MIB2: variants seen among roughly 807,000 people sequenced by gnomAD.
MIB2 encodes the protein MIB E3 ubiquitin protein ligase 2, also known as E3 ubiquitin-protein ligase MIB2.
Under a neutral mutation model 96.6 loss-of-function variants are expected in MIB2, and 78 were observed. That is an observed-to-expected ratio of 0.81 (90% CI 0.67 to 0.97). The LOEUF (loss-of-function observed/expected upper bound fraction) is 0.97. Among genes scored for constraint, MIB2 ranks in the 50% least tolerant of loss-of-function variants. The pLI, the probability that MIB2 is intolerant of heterozygous loss-of-function variation, is 0.00. For synonymous variants in MIB2, 820 were observed against 629.5 expected (o/e 1.30, Z -4.53); for missense variants, 1,543 against 1,424.0 (o/e 1.08, Z -1.35).
chr1:1,629,764 C>T (rs1329603708), intron 19 of MIB2, 60 bp downstream of exon 19: 35 of 1,480,916 alleles, frequency 2.4e-5, no homozygotes, highest in Admixed American at 4.4e-5. Context: ...CGCGGGTCCC[C>T]GTCCCCCACC....
At chr1:1,623,999 TG>T in intron 4 of MIB2, 54 bp downstream of exon 4, 2 of 1,550,414 alleles carry the variant, frequency 1.3e-6, no homozygotes, top group Non-Finnish European at 1.7e-6. Context: ...GCCTTGCCAC[TG>T]GGGCCTTGGC....
At chr1:1,613,761 G>A (rs1643379927), upstream of MIB2, 1 of 152,206 alleles carries the variant, frequency 6.6e-6, no homozygotes, top group Admixed American at 6.6e-5. Flanking sequence ...AAAACAGTTG[G>A]TAGAGAGCTT....
At chr1:1,629,984 C>T (rs1223601087) in intron 19 of MIB2, among the ~76,000 whole-genome samples, 2 of 149,706 alleles carry the variant, frequency 1.3e-5, no homozygotes, top group African/African-American at 4.9e-5. Context: ...ACACTCCCTC[C>T]ATAGCCCCAC....
rs754243758 is a variant in MIB2, at chr1:1,629,569, G to A, written c.2563+3G>A. ...CCAGCACCGCACCGTGTGTGAGGGT[G>A]AGTGGGGGGCCCCGGGGTGGGGAGG... On this transcript the variant is annotated splice_donor_region_variant and intron_variant, in intron 18 of 19. Transcript: ENST00000355826. The A allele has an allele frequency of 3.9e-5, 60 of 1,547,382 alleles. No homozygotes were observed. The highest frequency in any genetic ancestry group is 2.2e-4 in the East Asian group (9 of 41,456).
rs1335221070 is a variant in MIB2, at chr1:1,630,365, C to G, written c.2703C>G (p.Arg901=). Residue 901 remains arginine (R), a synonymous_variant, in exon 20 of 20, where the codon CGC becomes CGG. Coordinates refer to ENST00000355826, the MANE Select transcript of MIB2 (RefSeq NM_001170687.4). ...PRQLVEELQS[R]YRQMEERITC... ...AGCTGGTGGAGGAGCTGCAGAGCCGCTACCGGCAGATGGAGGAACGCATCA... is the reference window on the plus strand; with the variant it reads ...AGCTGGTGGAGGAGCTGCAGAGCCGGTACCGGCAGATGGAGGAACGCATCA... 6.5e-7 allele frequency: 1 copy of G among 1,546,084 alleles called. No homozygotes were observed. The highest frequency in any genetic ancestry group is 1.2e-5 in the South Asian group (1 of 84,144).
chr1:1,617,256 G>C (rs1305088425), intron 2 of MIB2: 2 of 152,562 alleles, frequency 1.3e-5, no homozygotes, highest in Non-Finnish European at 2.9e-5. Flanking sequence ...GAGGAGGGCA[G>C]CCTCATGTCC....
chr1:1,616,844 C>T (rs921874640), intron 2 of MIB2: 4 of 472,002 alleles, frequency 8.5e-6, no homozygotes, highest in East Asian at 4.1e-5. Context: ...GCAGAGCGGC[C>T]GCAGCGCAGG....
In MIB2 at chr1:1,628,132, C is replaced by T. The variant is rs1194676311; in HGVS notation, c.1794C>T (p.Ser598=). 4 of 1,613,430 alleles carry T rather than the reference C, an allele frequency of 2.5e-6. No homozygotes were observed. Among genetic ancestry groups the T allele is most frequent in the Non-Finnish European group, 3.4e-6 (4 of 1,180,002 alleles). ...ACATCGATGTTACCGCCACCAACAG[C>T]CAGGGTTTCACCCTGCTGCACCATG... ...VPNIDVTATN[S]QGFTLLHHAS... The change falls in exon 14 of 20, where the codon AGC becomes AGT. Residue 598 remains serine (S), a synonymous_variant. Coordinates refer to ENST00000355826, the MANE Select transcript of MIB2 (RefSeq NM_001170687.4).
chr1:1,615,596 G>A lies in MIB2; in HGVS notation c.-167G>A. The A allele has an allele frequency of 1.3e-6, 2 of 1,565,540 alleles. No homozygotes were observed. The highest frequency in any genetic ancestry group is 1.7e-6 in the Non-Finnish European group (2 of 1,160,186). The stretch of plus-strand genomic sequence containing the variant: ...CGAAGCCGTCCCCGAGTCGCTCCTA[G>A]GTCACTGGCGCGATGCGGGCCGTCC... On this transcript the variant is annotated 5_prime_UTR_variant, in exon 1 of 20. Transcript: ENST00000355826.
Position 1,625,512 on chromosome 1 carries a change from C to T in MIB2, c.865-34C>T. 6.5e-7 allele frequency: 1 copy of T among 1,549,388 alleles called. No individual in the cohort carries two copies. Among genetic ancestry groups the T allele is most frequent in the South Asian group, 1.2e-5 (1 of 84,250 alleles). ...AGCCCCTTCCTCCCCAAGCGTCCAGCCCGACCCAGCCACAGCTCCATGACC... is the reference window on the plus strand; with the variant it reads ...AGCCCCTTCCTCCCCAAGCGTCCAGTCCGACCCAGCCACAGCTCCATGACC... On this transcript the variant is annotated intron_variant, in intron 7 of 19. Transcript: ENST00000355826. The surrounding 1 kb of genome is among the most constrained non-coding windows in gnomAD (Gnocchi z 5.0).
In MIB2 at chr1:1,625,731, C is replaced by A; in HGVS notation, c.972+78C>A. On this transcript the variant is annotated intron_variant, in intron 8 of 19. Coordinates refer to ENST00000355826, the MANE Select transcript of MIB2 (RefSeq NM_001170687.4). The surrounding 1 kb of genome is among the most constrained non-coding windows in gnomAD (Gnocchi z 5.0). ...ACGTACCCCCTTGGCCTTGGGGGGTCAGGCAGGACTAGGGTGCCAGCTGCA... is the reference window on the plus strand; with the variant it reads ...ACGTACCCCCTTGGCCTTGGGGGGTAAGGCAGGACTAGGGTGCCAGCTGCA... The A allele has an allele frequency of 2.4e-6, 3 of 1,227,892 alleles. No individual in the cohort carries two copies. Among genetic ancestry groups the A allele is most frequent in the South Asian group, 1.3e-5 (1 of 74,742 alleles). The allele number at this position is 1,227,892 out of a possible 1,614,324, so 76.1% of individuals were successfully genotyped here.
In MIB2 at chr1:1,615,584, G is replaced by A; in HGVS notation, c.-179G>A. 1.9e-6 allele frequency: 3 copies of A among 1,551,316 alleles called. No homozygotes were observed. The highest frequency in any genetic ancestry group is 1.7e-6 in the Non-Finnish European group (2 of 1,152,506). ...GGCCTGGGAGCCCGAAGCCGTCCCC[G>A]AGTCGCTCCTAGGTCACTGGCGCGA... On this transcript the variant is annotated 5_prime_UTR_variant, in exon 1 of 20. Coordinates refer to ENST00000355826, the MANE Select transcript of MIB2 (RefSeq NM_001170687.4).
intron 2 of MIB2, chr1:1,618,059 G>C (rs1247485845): frequency 6.6e-6 from 1 of 152,360 alleles, no homozygotes; most frequent in African/African-American, 2.4e-5. Context: ...CGTGGCCACA[G>C]CTCTGGTCTG....
Position 1,629,331 on chromosome 1 carries a change from G to T in MIB2, c.2381+20G>T. On this transcript the variant is annotated intron_variant, in intron 17 of 19. Transcript: ENST00000355826. ...CTTCCGGTGAGTCCGTGGACGGCGG[G>T]GATGGGGTCCGGCGGCCTCCGGGCC... 1 of 1,458,604 alleles carries T rather than the reference G, an allele frequency of 6.9e-7. No individual in the cohort carries two copies. Among genetic ancestry groups the T allele is most frequent in the Non-Finnish European group, 9.0e-7 (1 of 1,116,494 alleles). The allele number at this position is 1,458,604 out of a possible 1,614,324, so 90.4% of individuals were successfully genotyped here.
At chr1:1,620,520 G>T (rs1483817169) in intron 2 of MIB2, among the ~76,000 whole-genome samples, 1 of 152,236 alleles carries the variant, frequency 6.6e-6, no homozygotes, top group Non-Finnish European at 1.5e-5. Flanking sequence ...CAAGGAGGAG[G>T]TTGCGTGTGG....
Position 1,626,613 on chromosome 1 carries a change from A to T in MIB2, c.973-37A>T. 6.7e-7 allele frequency: 1 copy of T among 1,487,786 alleles called. No individual in the cohort carries two copies. Among genetic ancestry groups the T allele is most frequent in the South Asian group, 1.3e-5 (1 of 74,574 alleles). The allele number at this position is 1,487,786 out of a possible 1,614,324, so 92.2% of individuals were successfully genotyped here. On this transcript the variant is annotated intron_variant, in intron 8 of 19. Transcript: ENST00000355826. The surrounding 1 kb of genome is among the most constrained non-coding windows in gnomAD (Gnocchi z 5.3). ...TGCATGAGCCTGGGCAGCCACACAC[A>T]GCTGGGGGGCCCCTCACGCCCCTCT...
chr1:1,624,628 A>G, intron 4 of MIB2, 167 bp from the exon 5 acceptor site: 2 of 701,122 alleles, frequency 2.9e-6, no homozygotes, highest in South Asian at 3.2e-5. Flanking sequence ...CGTGTGGAGG[A>G]TGCTGACCTG....
intron 2 of MIB2, among the ~76,000 whole-genome samples, chr1:1,619,707 C>G (rs530469034): frequency 6.6e-6 from 1 of 152,292 alleles, no homozygotes; most frequent in Non-Finnish European, 1.5e-5. Flanking sequence ...GCACCCAGCT[C>G]CCCTGTCCAG....
rs771108491 is a variant in MIB2, at chr1:1,623,460, C to T, written c.8C>T (p.Pro3Leu). 5.0e-6 allele frequency: 8 copies of T among 1,598,240 alleles called. No homozygotes were observed. In the Admixed American group the frequency reaches 1.0e-4, roughly 20 times the overall value. The change falls in exon 3 of 20, where the codon CCA becomes CTA. Residue 3 changes from proline (P) to leucine (L), a missense_variant. Coordinates refer to ENST00000355826, the MANE Select transcript of MIB2 (RefSeq NM_001170687.4). Reference sequence around the variant, plus strand: ...CGAGCAGCCCCGCCCAACATGGACCCAGACCCCCAGGCGGGCGTGCAGGTG... The same window carrying T: ...CGAGCAGCCCCGCCCAACATGGACCTAGACCCCCAGGCGGGCGTGCAGGTG... Reference protein sequence around the residue: MDPDPQAGVQVGM... With the variant: MDLDPQAGVQVGM...
Sources: gnomAD v4.1 joint callset for allele counts (sites outside exome capture counted in the v4.1 genomes callset) on GRCh38, gnomAD v4.1.1 for gene constraint, Gnocchi (gnomAD v3.1) non-coding constraint, MANE v1.5 for transcripts, NCBI Gene and HGNC (gene_info 2026-07-23, HGNC 2026-07-21) for gene names.